The following CPEB2 variants were observed in gnomAD, a reference collection of about 807,000 sequenced individuals.
The protein encoded by CPEB2 is cytoplasmic polyadenylation element binding protein 2.
CPEB2 carries 56 observed loss-of-function variants against 93.6 expected under a neutral mutation model. The observed-to-expected ratio is 0.60, with a 90% CI of 0.48 to 0.75. The LOEUF is 0.75. Among genes scored for constraint, CPEB2 ranks in the 30% least tolerant of loss-of-function variants. The probability of loss-of-function intolerance (pLI) is 0.00; values close to 1 mark genes in which losing one functional copy is unlikely to be tolerated. For synonymous variants in CPEB2, 764 were observed against 586.3 expected (o/e 1.30, Z -4.38); for missense variants, 1,579 against 1,395.1 (o/e 1.13, Z -2.10).
intron 4 of CPEB2, among the ~76,000 whole-genome samples, chr4:15,023,102 C>A (rs925593447): frequency 2.0e-5 from 3 of 151,846 alleles, no homozygotes; most frequent in Non-Finnish European, 2.9e-5. Context: ...TTATTAAAAT[C>A]ACATTTATTT....
intron 4 of CPEB2, among the ~76,000 whole-genome samples, chr4:15,028,530 C>G (rs755104868): frequency 7.2e-5 from 11 of 152,006 alleles, no homozygotes; most frequent in Non-Finnish European, 1.3e-4. Flanking sequence ...GACTAAGTTA[C>G]TGCCTTCATG....
chr4:15,020,172 T>C (rs1355683821), intron 4 of CPEB2, among the ~76,000 whole-genome samples: 2 of 152,094 alleles, frequency 1.3e-5, no homozygotes, highest in African/African-American at 4.8e-5. Context: ...AATGCCCCAA[T>C]GTCTTCTATG....
chr4:15,007,267 T>C (rs1476073554), intron 1 of CPEB2, 38 bp from the exon 2 acceptor site: 1 of 1,405,864 alleles, frequency 7.1e-7, no homozygotes, highest in Non-Finnish European at 9.3e-7. Context: ...TTGTAAATTC[T>C]TTAAATGCCG....
intron 6 of CPEB2, among the ~76,000 whole-genome samples, chr4:15,049,978 T>G (rs35619282): frequency 0.42 from 63,928 of 152,082 alleles, 15,740 homozygotes; most frequent in Non-Finnish European, 0.56. Context: ...ACTTGCATCA[T>G]GTGTCATATT....
intron 10 of CPEB2, among the ~76,000 whole-genome samples, chr4:15,059,573 C>G (rs10516282): frequency 0.045 from 6,809 of 152,196 alleles, 199 homozygotes; most frequent in Admixed American, 0.084. Flanking sequence ...CTAAATACTT[C>G]CGATTTCCTA....
At chr4:15,046,605 C>T (rs1234529308) in intron 6 of CPEB2, among the ~76,000 whole-genome samples, 1 of 152,146 alleles carries the variant, frequency 6.6e-6, no homozygotes, top group Non-Finnish European at 1.5e-5. Context: ...TTCCTGATGA[C>T]TAAGGATGAC....
At chr4:15,060,240 G>A (rs73228803) in intron 10 of CPEB2, among the ~76,000 whole-genome samples, 9,521 of 152,176 alleles carry the variant, frequency 0.063, 519 homozygotes, top group Non-Finnish European at 0.089. Flanking sequence ...AGTGAGGGAA[G>A]GGGTCAAATC....
chr4:15,060,969 C>T (rs1729141162), intron 10 of CPEB2, among the ~76,000 whole-genome samples: 1 of 152,124 alleles, frequency 6.6e-6, no homozygotes, highest in South Asian at 2.1e-4. Flanking sequence ...GGGAAGAATA[C>T]AGAAAGAATG....
intron 3 of CPEB2, among the ~76,000 whole-genome samples, chr4:15,012,744 A>T (rs936804669): frequency 1.3e-5 from 2 of 152,162 alleles, no homozygotes; most frequent in Non-Finnish European, 2.9e-5. Context: ...CAAGCATTGT[A>T]AGTACAATAA....
At chr4:15,019,834 A>G (rs1208262576) in intron 4 of CPEB2, among the ~76,000 whole-genome samples, 1 of 152,056 alleles carries the variant, frequency 6.6e-6, no homozygotes, top group Non-Finnish European at 1.5e-5. Context: ...TTATCTCTCT[A>G]TAATTATCCC....
chr4:15,009,958 G>GA (rs1200723926), intron 3 of CPEB2, among the ~76,000 whole-genome samples: 2 of 152,126 alleles, frequency 1.3e-5, no homozygotes, highest in Non-Finnish European at 2.9e-5. Flanking sequence ...AGATTTTAGG[G>GA]AAATTTATTT....
chr4:15,031,907 T>C (rs905787171), intron 4 of CPEB2, among the ~76,000 whole-genome samples: 1 of 152,062 alleles, frequency 6.6e-6, no homozygotes, highest in African/African-American at 2.4e-5. Context: ...GAGGGCTTGC[T>C]GAGGTGGTAA....
chr4:15,003,086 A>G lies in CPEB2; in HGVS notation c.413A>G (p.Gln138Arg). ...GGTGTGACCCACCTCCTCCCCTCCC[A>G]GGACTTCAAACCGAGTCTGCACCAC... ...IAGVTHLLPS[Q>R]DFKPSLHHPS... Residue 138 changes from glutamine to arginine, a missense_variant, in exon 1 of 12, where the codon CAG becomes CGG. By Grantham distance (43) the Gln-to-Arg change is conservative. Transcript: ENST00000538197. 6.5e-7 allele frequency: 1 copy of G among 1,530,280 alleles called. No homozygotes were observed. The highest frequency in any genetic ancestry group is 8.7e-7 in the Non-Finnish European group (1 of 1,145,148). The allele number at this position is 1,530,280 out of a possible 1,614,324, so 94.8% of individuals were successfully genotyped here. A position where few individuals can be genotyped will look rare whatever the true frequency, so the allele number is the denominator to read the frequency against.
chr4:15,046,108 T>C (rs1349266029), intron 6 of CPEB2, among the ~76,000 whole-genome samples: 6 of 152,070 alleles, frequency 3.9e-5, no homozygotes, highest in African/African-American at 1.4e-4. Context: ...CTCGTTTCTC[T>C]TGGATGTATA....
At chr4:15,040,643 C>T (rs1181078017) in intron 6 of CPEB2, among the ~76,000 whole-genome samples, 156 bp downstream of exon 6, 1 of 152,134 alleles carries the variant, frequency 6.6e-6, no homozygotes, top group Non-Finnish European at 1.5e-5. Flanking sequence ...TTTTAAATCT[C>T]CTAACCTTTG....
At chr4:15,064,036 A>G (rs1473995690) in intron 11 of CPEB2, among the ~76,000 whole-genome samples, 1 of 152,126 alleles carries the variant, frequency 6.6e-6, no homozygotes, top group Admixed American at 6.5e-5. Flanking sequence ...TTGAATAAAT[A>G]TACGTGTATA....
chr4:15,003,506 GCGCGGGCAGCCCTCGCAAGACCCCAGC>G lies in CPEB2; in HGVS notation c.841_867del (p.Ser281_Gly289del). On this transcript the variant is annotated inframe_deletion, in exon 1 of 12. Coordinates refer to ENST00000538197, the MANE Select transcript of CPEB2 (RefSeq NM_001177382.2). ...GCAGCCCCGCGGCGCCGCCACGGAGGCGCGGGCAGCCCTCGCAAGACCCCAGCCGCGGGCGAGGGCAGCGCCGCCGAG... is the reference window on the plus strand; with the variant it reads ...GCAGCCCCGCGGCGCCGCCACGGAGGCGCGGGCGAGGGCAGCGCCGCCGAG... The G allele has an allele frequency of 3.5e-6, 5 of 1,415,592 alleles. No homozygotes were observed. In the South Asian group the frequency reaches 5.8e-5, roughly 17 times the overall value. 87.7% of individuals were successfully genotyped at this position (1,415,592 alleles called of 1,614,324 possible).
chr4:15,059,902 A>G (rs1729036499), intron 10 of CPEB2, among the ~76,000 whole-genome samples: 2 of 152,178 alleles, frequency 1.3e-5, no homozygotes, highest in South Asian at 2.1e-4. Flanking sequence ...TCATAGAGAT[A>G]TATGTTAAAG....
intron 5 of CPEB2, among the ~76,000 whole-genome samples, chr4:15,034,842 G>T (rs1027343943): frequency 2.0e-5 from 3 of 152,138 alleles, no homozygotes; most frequent in African/African-American, 7.2e-5. Flanking sequence ...AGACACCAGG[G>T]TTACTGAAGA....
Sources: allele counts gnomAD v4.1 joint callset (sites outside exome capture counted in the v4.1 genomes callset), GRCh38; gene constraint gnomAD v4.1.1; transcripts MANE v1.5; gene names NCBI Gene and HGNC (gene_info 2026-07-23, HGNC 2026-07-21).